The following BTAF1 variants were observed in gnomAD, a reference collection of about 807,000 sequenced individuals.
BTAF1 encodes TATA-binding protein-associated factor 172.
BTAF1 carries 38 observed loss-of-function variants against 227.1 expected under a neutral mutation model. The ratio of observed to expected loss-of-function variants is 0.17; its 90% confidence interval spans 0.13 to 0.22. The LOEUF is 0.22. Ranked by LOEUF, BTAF1 falls within the 10% of genes least tolerant of loss-of-function variation. The pLI, the probability that BTAF1 is intolerant of heterozygous loss-of-function variation, is 1.00. For synonymous variants in BTAF1, 742 were observed against 751.9 expected (o/e 0.99, Z 0.21); for missense variants, 1,598 against 2,204.0 (o/e 0.73, Z 5.51).
chr10:92,004,362 A>T (rs984383585), intron 25 of BTAF1, among the ~76,000 whole-genome samples: 2 of 152,190 alleles, frequency 1.3e-5, no homozygotes, highest in African/African-American at 4.8e-5. Context: ...TAATCTGAAA[A>T]TCTGAAATCT....
At position 91,992,130 on chromosome 10, in the gene BTAF1, G is replaced by C; in HGVS notation, c.2866G>C (p.Glu956Gln). ...GQENSKGSTS[E>Q]KDGMHHTVTK... ...TTTTTTCTTATTAGGATCCACCTCA[G>C]AAAAAGATGGAATGCACCATACTGT... is the stretch of plus-strand genomic sequence containing the variant. Residue 956 changes from glutamate (E) to glutamine (Q), a missense_variant, in exon 21 of 38, where the codon GAA (glutamate) becomes CAA (glutamine). By Grantham distance (29) the Glu-to-Gln change is conservative (BLOSUM62 2). This residue lies in a region of BTAF1 where 425 missense variants were observed against 491.2 expected (regional missense o/e 0.87). Transcript: ENST00000265990. 1 of 1,570,264 alleles carries C rather than the reference G, an allele frequency of 6.4e-7. No individual in the cohort carries two copies. The highest frequency in any genetic ancestry group is 8.6e-7 in the Non-Finnish European group (1 of 1,157,286).
At chr10:91,944,249 G>T (rs1845214797) in intron 4 of BTAF1, among the ~76,000 whole-genome samples, 1 of 152,092 alleles carries the variant, frequency 6.6e-6, no homozygotes, top group Non-Finnish European at 1.5e-5. Context: ...TTTAGTGCTA[G>T]TAAGTCACAG....
At chr10:92,013,153 A>C (rs1427027320) in intron 30 of BTAF1, among the ~76,000 whole-genome samples, 1 of 152,200 alleles carries the variant, frequency 6.6e-6, no homozygotes, top group Non-Finnish European at 1.5e-5. Flanking sequence ...AAGCGTCTGA[A>C]ATGAAAAAGT....
chr10:92,005,384 A>C (rs1849808091), intron 25 of BTAF1, among the ~76,000 whole-genome samples: 1 of 152,196 alleles, frequency 6.6e-6, no homozygotes, highest in Admixed American at 6.5e-5. Context: ...GGATTGCATC[A>C]CATCTATAGA....
intron 23 of BTAF1, among the ~76,000 whole-genome samples, chr10:91,995,446 G>A (rs1483681518): frequency 6.6e-6 from 1 of 152,084 alleles, no homozygotes; most frequent in Admixed American, 6.6e-5. Flanking sequence ...GGAGGCCGAG[G>A]TGGGTGAATC....
rs778875440 is a variant in BTAF1 at position 91,956,601 on chromosome 10, A to T, written c.775A>T (p.Asn259Tyr). Residue 259 changes from asparagine (N) to tyrosine (Y), a missense_variant, in exon 7 of 38, where the codon AAT becomes TAT. By Grantham distance (143) the Asn-to-Tyr change is moderately radical (BLOSUM62 -2). Transcript: ENST00000265990. ...IANVVINQSA[N>Y]DSKVLIDNIP... is the part of the protein sequence containing the mutation. ...AAATGTTGTTATTAATCAGTCTGCA[A>T]ATGATTCCAAAGTCTTGATTGATAA... is the stretch of plus-strand genomic sequence containing the variant. 61 of 1,608,362 alleles carry T rather than the reference A, an allele frequency of 3.8e-5. No individual in the cohort carries two copies. The highest frequency in any genetic ancestry group is 5.0e-5 in the Non-Finnish European group (59 of 1,178,404).
chr10:91,997,981 G>A (rs1454642630), intron 25 of BTAF1, among the ~76,000 whole-genome samples: 1 of 151,926 alleles, frequency 6.6e-6, no homozygotes, highest in African/African-American at 2.4e-5. Context: ...AAAACAGTTA[G>A]CTGGGCATGG....
intron 19 of BTAF1, among the ~76,000 whole-genome samples, chr10:91,987,381 G>A (rs981440556): frequency 2.0e-5 from 3 of 152,050 alleles, no homozygotes; most frequent in African/African-American, 7.2e-5. Flanking sequence ...TACTCGGGAG[G>A]CTGAAGCAGG....
At chr10:91,996,680 C>A in intron 24 of BTAF1, 110 bp downstream of exon 24, 8 of 915,860 alleles carry the variant, frequency 8.7e-6, no homozygotes, top group Non-Finnish European at 1.1e-5. Flanking sequence ...CTGCCTTGTT[C>A]CAAAAAATAC....
chr10:91,964,190 C>G lies in BTAF1; in HGVS notation c.1518C>G (p.Val506=). The part of the protein sequence containing the change: ...LLSSLLTYPQ[V]QQCSIQQSLT... ...CATCCTTGTTAACTTACCCTCAGGT[C>G]CAACAATGCAGGTAATTATTTCTAA... Residue 506 remains valine (V), a synonymous_variant, in exon 13 of 38, where the codon GTC becomes GTG. Transcript: ENST00000265990. 6.2e-7 allele frequency: 1 copy of G among 1,612,098 alleles called. No individual in the cohort carries two copies. Among genetic ancestry groups the G allele is most frequent in the Non-Finnish European group, 8.5e-7 (1 of 1,179,290 alleles).
At chr10:91,925,097 A>G (rs1185099613) in intron 1 of BTAF1, among the ~76,000 whole-genome samples, 8 of 152,230 alleles carry the variant, frequency 5.3e-5, no homozygotes, top group Non-Finnish European at 1.5e-5. Context: ...CATTCCTTAC[A>G]GACTCCCTAG....
At chr10:91,937,383 G>A (rs905327503) in intron 2 of BTAF1, among the ~76,000 whole-genome samples, 4 of 152,072 alleles carry the variant, frequency 2.6e-5, no homozygotes, top group Admixed American at 1.3e-4. Flanking sequence ...ATGGTGTACA[G>A]CAGCCATCAC....
At chr10:91,929,956 A>G (rs1844162671) in intron 1 of BTAF1, among the ~76,000 whole-genome samples, 1 of 152,188 alleles carries the variant, frequency 6.6e-6, no homozygotes, top group Admixed American at 6.5e-5. Flanking sequence ...TAAACTAGAA[A>G]AAGTAGAAGA....
At chr10:91,965,182 G>C (rs758369153) in intron 13 of BTAF1, among the ~76,000 whole-genome samples, 1 of 152,132 alleles carries the variant, frequency 6.6e-6, no homozygotes, top group African/African-American at 2.4e-5. Context: ...CATTTATGGG[G>C]TTTCCTAATT....
chr10:91,979,985 A>G (rs1035253181), intron 14 of BTAF1, among the ~76,000 whole-genome samples: 1 of 152,210 alleles, frequency 6.6e-6, no homozygotes, highest in Non-Finnish European at 1.5e-5. Context: ...AGTGAACTCC[A>G]AGTAGAAGTT....
Position 91,989,169 on chromosome 10 carries a change from A to C in BTAF1, c.2443A>C (p.Asn815His). The change falls in exon 20 of 38, where the codon AAT becomes CAT. Residue 815 changes from asparagine (N) to histidine (H), a missense_variant. Coordinates refer to ENST00000265990, the MANE Select transcript of BTAF1 (RefSeq NM_003972.3). ...TTTTTAATAGGTCACTACTGTTTTT[A>C]ATGAAGCCACATCATCTTTCGATTT... The part of the protein sequence containing the change: ...QASDLVTTVF[N>H]EATSSFDLNP... The C allele has an allele frequency of 6.2e-7, 1 of 1,612,628 alleles. No homozygotes were observed. Among genetic ancestry groups the C allele is most frequent in the Non-Finnish European group, 8.5e-7 (1 of 1,179,274 alleles).
intron 36 of BTAF1, 37 bp from the exon 37 acceptor site, chr10:92,027,093 T>C (rs747610833): frequency 1.9e-6 from 3 of 1,580,128 alleles, no homozygotes; most frequent in Non-Finnish European, 2.6e-6. Context: ...CAAAGCATAA[T>C]ATGTGTTACG....
At chr10:91,962,711 A>G (rs773915442) in intron 12 of BTAF1, 33 bp downstream of exon 12, 2 of 1,534,998 alleles carry the variant, frequency 1.3e-6, no homozygotes, top group East Asian at 2.3e-5. Context: ...TTCTTACTAT[A>G]GAGCTTGTTT....
intron 30 of BTAF1, 128 bp from the exon 31 acceptor site, chr10:92,013,539 A>G (rs945231450): frequency 3.0e-5 from 37 of 1,215,976 alleles, no homozygotes; most frequent in African/African-American, 7.6e-5. Flanking sequence ...GACTTACACC[A>G]TATGTCTAAA....
Sources: allele counts gnomAD v4.1 joint callset (sites outside exome capture counted in the v4.1 genomes callset), GRCh38; gene constraint gnomAD v4.1.1; regional missense constraint gnomAD v4.1.1; transcripts MANE v1.5; gene names NCBI Gene and HGNC (gene_info 2026-07-23, HGNC 2026-07-21).